Variants in HAUS4 observed in about 807,000 individuals in gnomAD.
HAUS4 encodes the protein HAUS augmin-like complex subunit 4.
In HAUS4, 34 loss-of-function variants were observed where a neutral mutation model predicts 50.6. The ratio of observed to expected loss-of-function variants is 0.67; its 90% CI spans 0.51 to 0.90. The LOEUF (loss-of-function observed/expected upper bound fraction) is 0.90, where lower values mean the gene tolerates loss of function less well. Ranked by LOEUF, HAUS4 falls within the 40% of genes least tolerant of loss-of-function variation. The probability of loss-of-function intolerance (pLI) is 0.00; values close to 1 mark genes in which losing one functional copy is unlikely to be tolerated. For synonymous variants in HAUS4, 149 were observed against 161.4 expected (o/e 0.92, Z 0.58); for missense variants, 370 against 428.7 (o/e 0.86, Z 1.21).
Position 22,946,648 on chromosome 14 carries a change from G to A in HAUS4, c.969C>T (p.Val323=), listed in dbSNP as rs769219428. Residue 323 remains valine, a synonymous_variant, in exon 10 of 10, where the codon GTC becomes GTT. Transcript: ENST00000541587. ...CCCCAAGGACCTCATAGGAGTTCAG[G>A]ACCTGTCTTGAGTTCTCCATGTCCT... ...QEQDMENSRQ[V]LNSYEVLGEE... is the part of the protein sequence containing the mutation. 5 of 1,613,858 alleles carry A rather than the reference G, an allele frequency of 3.1e-6. No individual in the cohort carries two copies. The Admixed American group carries it at 6.7e-5, about 22-fold the overall frequency.
chr14:22,952,328 C>T lies in HAUS4; in HGVS notation c.330G>A (p.Lys110=). 6.2e-7 allele frequency: 1 copy of T among 1,613,484 alleles called. No individual in the cohort carries two copies. The highest frequency in any genetic ancestry group is 8.5e-7 in the Non-Finnish European group (1 of 1,179,682). ...CCACCACGCCCAGCCTTTGCCTCAC[C>T]TTTTTGTCCTCAGAAGTTACATTTG... is the stretch of plus-strand genomic sequence containing the variant. The part of the protein sequence containing the change: ...QDTNVTSEDK[K]FHETLEQRLL... Residue 110 remains lysine, a splice_region_variant and synonymous_variant, in exon 4 of 10, where the codon AAG becomes AAA. Transcript: ENST00000541587.
At chr14:22,948,981 C>G (rs2139296240) in intron 6 of HAUS4, among the ~76,000 whole-genome samples, 1 of 150,340 alleles carries the variant, frequency 6.7e-6, no homozygotes, top group East Asian at 2.0e-4. Flanking sequence ...ATGGTGAAAA[C>G]CTGTCTCTAC....
chr14:22,953,297 G>A (rs1006498148), intron 2 of HAUS4, among the ~76,000 whole-genome samples: 3 of 151,780 alleles, frequency 2.0e-5, no homozygotes, highest in South Asian at 2.1e-4. Context: ...GGCAAACCAC[G>A]ATGACTGGCT....
In HAUS4 at chr14:22,951,665, G is replaced by T. The variant is rs1382917494; in HGVS notation, c.355C>A (p.Leu119Met). ...KKFHETLEQR[L>M]LVTELMRLLG... is the part of the protein sequence containing the mutation. ...AGCCGCATCAGTTCAGTTACAAGCAGCCGCTGTTCAAGGGTCTCATGAAAC... is the reference window on the plus strand; with the variant it reads ...AGCCGCATCAGTTCAGTTACAAGCATCCGCTGTTCAAGGGTCTCATGAAAC... The change falls in exon 5 of 10, where the codon CTG (leucine) becomes ATG (methionine). Residue 119 changes from leucine to methionine, a missense_variant. Transcript: ENST00000541587. 1.2e-6 allele frequency: 2 copies of T among 1,613,072 alleles called. No homozygotes were observed. The highest frequency in any genetic ancestry group is 2.7e-5 in the African/African-American group (2 of 74,872).
chr14:22,946,719 G>T lies in HAUS4; in HGVS notation c.909-11C>A. 6.3e-7 allele frequency: 1 copy of T among 1,591,962 alleles called. No individual in the cohort carries two copies. The highest frequency in any genetic ancestry group is 1.1e-5 in the South Asian group (1 of 88,454). On this transcript the variant is annotated splice_polypyrimidine_tract_variant and intron_variant, in intron 9 of 9. Coordinates refer to ENST00000541587, the MANE Select transcript of HAUS4 (RefSeq NM_001166269.2). ...CCCTCCAAACGGTCCCTAAGAGCCC[G>T]GGCAGAGAAGGCACAATATAAGGGT...
In HAUS4 at chr14:22,947,990, C is replaced by A; in HGVS notation, c.586G>T (p.Ala196Ser). 2 of 1,612,548 alleles carry A rather than the reference C, an allele frequency of 1.2e-6. No homozygotes were observed. Among genetic ancestry groups the A allele is most frequent in the Non-Finnish European group, 1.7e-6 (2 of 1,179,378 alleles). The change falls in exon 7 of 10, where the codon GCA becomes TCA. Residue 196 changes from alanine to serine, a missense_variant. Transcript: ENST00000541587. ...NSDADSETVK[A>S]AKVWKLAEVL... ...TCTGCGAGTTTCCACACCTTTGCTG[C>A]CTTCACGGTTTCACTGTCAGCATCT... is the stretch of plus-strand genomic sequence containing the variant.
chr14:22,952,547 C>T lies in HAUS4; in HGVS notation c.192G>A (p.Gln64=), dbSNP rs150786334. ...CTTCTCCCAAAGCCCTTACCTGAGCCTGCTCCTTTGCTAGGGTGAGGCTTA... is the reference window on the plus strand; with the variant it reads ...CTTCTCCCAAAGCCCTTACCTGAGCTTGCTCCTTTGCTAGGGTGAGGCTTA... ...SGLSLTLAKE[Q]AQAWKEVRLH... The change falls in exon 3 of 10, where the codon CAG becomes CAA. Residue 64 remains glutamine, a synonymous_variant. Transcript: ENST00000541587. The T allele has an allele frequency of 3.1e-6, 5 of 1,613,074 alleles. No individual in the cohort carries two copies. The African/African-American group carries it at 6.7e-5, about 22-fold the overall frequency.
chr14:22,953,786 ATTT>A (rs60021495), intron 2 of HAUS4, among the ~76,000 whole-genome samples: 2 of 129,968 alleles, frequency 1.5e-5, no homozygotes, highest in African/African-American at 2.8e-5. Context: ...ACGCCCAGCT[ATTT>A]TTTTTTTTTT....
intron 1 of HAUS4, 169 bp from the exon 2 acceptor site, chr14:22,955,345 A>C: frequency 1.6e-6 from 1 of 610,526 alleles, no homozygotes; most frequent in Non-Finnish European, 2.9e-6. Flanking sequence ...GCTCTTACAC[A>C]AGCTTTATGG....
chr14:22,949,565 T>C (rs1161233566), intron 6 of HAUS4, among the ~76,000 whole-genome samples: 1 of 151,210 alleles, frequency 6.6e-6, no homozygotes, highest in African/African-American at 2.4e-5. Flanking sequence ...TACACATTCA[T>C]TCAGGGTGGT....
intron 1 of HAUS4, chr14:22,955,389 A>C (rs576701071): frequency 1.8e-6 from 1 of 567,798 alleles, no homozygotes; most frequent in Non-Finnish European, 3.1e-6. Flanking sequence ...AACATGTCAC[A>C]TTCTAAGCAC....
intron 2 of HAUS4, among the ~76,000 whole-genome samples, chr14:22,953,573 G>C (rs1267732437): frequency 6.6e-6 from 1 of 151,818 alleles, no homozygotes; most frequent in Non-Finnish European, 1.5e-5. Context: ...AGCCTCCCGA[G>C]TAGCTGGGAT....
chr14:22,950,329 A>T lies in HAUS4; in HGVS notation c.547T>A (p.Tyr183Asn). ...KKKCFTLLCY[Y>N]DPNSDADSET... ...TAGCACTCACCTGAATTGGGATCAT[A>T]GTAGCAGAGCAGAGTGAAACATTTC... The change falls in exon 6 of 10, where the codon TAT becomes AAT. Residue 183 changes from tyrosine to asparagine, a missense_variant. Physicochemically the swap from Tyr to Asn is moderately radical, Grantham distance 143 (BLOSUM62 -2). Coordinates refer to ENST00000541587, the MANE Select transcript of HAUS4 (RefSeq NM_001166269.2). 3 of 1,604,008 alleles carry T rather than the reference A, an allele frequency of 1.9e-6. No individual in the cohort carries two copies. The highest frequency in any genetic ancestry group is 2.6e-6 in the Non-Finnish European group (3 of 1,170,784).
chr14:22,950,321 G>C lies in HAUS4; in HGVS notation c.555C>G (p.Pro185=), dbSNP rs1390412821. ...CAGACAGCTAGCACTCACCTGAATT[G>C]GGATCATAGTAGCAGAGCAGAGTGA... ...KCFTLLCYYD[P]NSDADSETVK... The change falls in exon 6 of 10, where the codon CCC becomes CCG. Residue 185 remains proline (P), a synonymous_variant. Coordinates refer to ENST00000541587, the MANE Select transcript of HAUS4 (RefSeq NM_001166269.2). 1.3e-6 allele frequency: 2 copies of C among 1,590,004 alleles called. No individual in the cohort carries two copies. Among genetic ancestry groups the C allele is most frequent in the East Asian group, 2.2e-5 (1 of 44,758 alleles).
In HAUS4 at chr14:22,948,464, G is replaced by GGA. The variant is rs1555355804; in HGVS notation, c.563-452_563-451insTC. On this transcript the variant is annotated intron_variant, in intron 6 of 9. Coordinates refer to ENST00000541587, the MANE Select transcript of HAUS4 (RefSeq NM_001166269.2). ...TTAAAAAAAAAAAAGCGGGGGGGGG[G>GGA]AGGGCATCTGGTTCTCATAATTATT... is the stretch of plus-strand genomic sequence containing the variant. Among the ~76,000 whole-genome samples, 698 of 122,690 alleles carry GGA rather than the reference G, an allele frequency of 5.7e-3. 21 individuals carry two copies. The highest frequency in any genetic ancestry group is 0.019 in the African/African-American group (662 of 35,708). The allele number at this position is 122,690 out of a possible 152,430, so 80.5% of individuals were successfully genotyped here.
chr14:22,948,156 GC>G, intron 6 of HAUS4, 143 bp from the exon 7 acceptor site: 1 of 885,418 alleles, frequency 1.1e-6, no homozygotes. Flanking sequence ...ATTAAAAATG[GC>G]CCCATTCTGG....
In HAUS4 at chr14:22,954,280, A is replaced by G. The variant is rs1214501246; in HGVS notation, c.55+820T>C. 3.9e-5 allele frequency: 6 copies of G among 152,334 alleles called. No individual in the cohort carries two copies. In the South Asian group the frequency reaches 1.0e-3, roughly 26 times the overall value. The allele number at this position is 152,334 out of a possible 1,614,324, so 9.4% of individuals were successfully genotyped here. A position where few individuals can be genotyped will look rare whatever the true frequency, so the allele number is the denominator to read the frequency against. On this transcript the variant is annotated intron_variant, in intron 2 of 9. Transcript: ENST00000541587. Reference sequence around the variant, plus strand: ...CACCCAAATTTTCATTCTTTGGAACATTATACCCAAAGTCTTTTTGGGAAA... The same window carrying G: ...CACCCAAATTTTCATTCTTTGGAACGTTATACCCAAAGTCTTTTTGGGAAA...
At chr14:22,950,247 AT>A (rs2044728839) in intron 6 of HAUS4, 66 bp downstream of exon 6, 1 of 793,402 alleles carries the variant, frequency 1.3e-6, no homozygotes, top group African/African-American at 1.7e-5. Flanking sequence ...AAAATATATT[AT>A]TCTCAAAAGA....
chr14:22,951,648 C>A lies in HAUS4; in HGVS notation c.372G>T (p.Leu124=). The change falls in exon 5 of 10, where the codon CTG becomes CTT. Residue 124 remains leucine (L), a synonymous_variant. Coordinates refer to ENST00000541587, the MANE Select transcript of HAUS4 (RefSeq NM_001166269.2). ...TLEQRLLVTE[L]MRLLGPSQER... is the part of the protein sequence containing the mutation. ...CCTGGCTAGGACCTAAGAGCCGCAT[C>A]AGTTCAGTTACAAGCAGCCGCTGTT... is the stretch of plus-strand genomic sequence containing the variant. 1 of 1,614,044 alleles carries A rather than the reference C, an allele frequency of 6.2e-7. No individual in the cohort carries two copies. Among genetic ancestry groups the A allele is most frequent in the Non-Finnish European group, 8.5e-7 (1 of 1,179,960 alleles).
Sources: allele counts gnomAD v4.1 joint callset (sites outside exome capture counted in the v4.1 genomes callset), GRCh38; gene constraint gnomAD v4.1.1; transcripts MANE v1.5; gene names NCBI Gene and HGNC (gene_info 2026-07-23, HGNC 2026-07-21).